The following CADM2 variants were observed in gnomAD, a reference collection of about 807,000 sequenced individuals.
CADM2 encodes cell adhesion molecule 2.
Under a neutral mutation model 49.8 loss-of-function variants are expected in CADM2, and 12 were observed. That is an observed-to-expected ratio of 0.24 (90% CI 0.15 to 0.39). The LOEUF (loss-of-function observed/expected upper bound fraction) is 0.39. Among genes scored for constraint, CADM2 ranks in the 10% least tolerant of loss-of-function variants. The pLI is 1.00. For missense variants in CADM2, 378 were observed against 492.3 expected, an observed-to-expected ratio of 0.77 and a Z score of 2.20; for synonymous variants, 214 against 175.4, an observed-to-expected ratio of 1.22 and a Z score of -1.74.
intron 8 of CADM2, among the ~76,000 whole-genome samples, chr3:86,063,118 C>A (rs1385077938): frequency 6.6e-6 from 1 of 152,118 alleles, no homozygotes; most frequent in African/African-American, 2.4e-5. Flanking sequence ...TTACACAAAC[C>A]ACTACCACAT....
intron 1 of CADM2, among the ~76,000 whole-genome samples, chr3:85,364,155 C>T (rs1003611690): frequency 6.6e-5 from 10 of 152,076 alleles, no homozygotes; most frequent in Non-Finnish European, 1.5e-4. Flanking sequence ...CTGTCTTTGT[C>T]TCATTAGAGT....
chr3:85,609,393 G>C (rs1405676565), intron 1 of CADM2, among the ~76,000 whole-genome samples: 1 of 152,080 alleles, frequency 6.6e-6, no homozygotes, highest in Non-Finnish European at 1.5e-5. Context: ...TAAGCAGGAA[G>C]AACAGTATAT....
chr3:85,509,340 C>T (rs2040505533), intron 1 of CADM2, among the ~76,000 whole-genome samples: 1 of 152,116 alleles, frequency 6.6e-6, no homozygotes, highest in South Asian at 2.1e-4. Context: ...CCAGCCAGCA[C>T]ATCATTTTGG....
chr3:85,857,709 G>A (rs920474536), intron 3 of CADM2, among the ~76,000 whole-genome samples: 4 of 152,072 alleles, frequency 2.6e-5, no homozygotes, highest in Non-Finnish European at 2.9e-5. Flanking sequence ...TCTTATAATA[G>A]CTGTTTCCAC....
At chr3:85,832,694 A>C (rs2074234986) in intron 3 of CADM2, among the ~76,000 whole-genome samples, 1 of 151,914 alleles carries the variant, frequency 6.6e-6, no homozygotes, top group African/African-American at 2.4e-5. Context: ...TACCATTTCT[A>C]GGAGCCCTTT....
chr3:85,401,266 G>C (rs1055106781), intron 1 of CADM2, among the ~76,000 whole-genome samples: 1 of 152,120 alleles, frequency 6.6e-6, no homozygotes, highest in African/African-American at 2.4e-5. Flanking sequence ...TAAAAGTACT[G>C]GTGTTGAGTC....
At chr3:86,024,004 C>T (rs1025371849) in intron 8 of CADM2, among the ~76,000 whole-genome samples, 14 of 152,178 alleles carry the variant, frequency 9.2e-5, no homozygotes, top group Non-Finnish European at 8.8e-5. Context: ...TCAAAATTTA[C>T]GTTGACTTTC....
At chr3:85,660,048 G>T (rs2065351685) in intron 1 of CADM2, among the ~76,000 whole-genome samples, 1 of 152,132 alleles carries the variant, frequency 6.6e-6, no homozygotes, top group Admixed American at 6.6e-5. Flanking sequence ...AGCTGACAGT[G>T]AATGTTTGAG....
intron 1 of CADM2, among the ~76,000 whole-genome samples, chr3:85,693,333 C>A (rs892156576): frequency 5.9e-5 from 9 of 152,066 alleles, no homozygotes; most frequent in Middle Eastern, 3.4e-3. Flanking sequence ...GTAATCTTAG[C>A]ACTTTGGGAG....
chr3:85,392,203 C>G (rs1297909796), intron 1 of CADM2, among the ~76,000 whole-genome samples: 2 of 152,000 alleles, frequency 1.3e-5, no homozygotes, highest in Non-Finnish European at 2.9e-5. Flanking sequence ...TCTTGCCTTG[C>G]TACATCTCAA....
intron 8 of CADM2, among the ~76,000 whole-genome samples, chr3:85,987,979 C>T (rs1728325242): frequency 6.6e-6 from 1 of 152,046 alleles, no homozygotes; most frequent in Non-Finnish European, 1.5e-5. Flanking sequence ...TGACACTCCA[C>T]ATGAAACACA....
chr3:85,981,646 T>C (rs1727500980), intron 8 of CADM2, among the ~76,000 whole-genome samples: 1 of 151,698 alleles, frequency 6.6e-6, no homozygotes, highest in South Asian at 2.1e-4. Context: ...CTTAGAATAA[T>C]GGCCTGCAGC....
chr3:85,737,454 A>T (rs1192895372), intron 2 of CADM2, among the ~76,000 whole-genome samples: 1 of 152,188 alleles, frequency 6.6e-6, no homozygotes, highest in Non-Finnish European at 1.5e-5. Context: ...TGTACATTTG[A>T]TTCTTGATTA....
intron 1 of CADM2, among the ~76,000 whole-genome samples, chr3:85,312,254 ATAAT>A (rs2044363106): frequency 6.6e-6 from 1 of 152,068 alleles, no homozygotes; most frequent in Non-Finnish European, 1.5e-5. Flanking sequence ...AATTATGATA[ATAAT>A]TTTAAAAGAT....
chr3:85,638,508 T>G (rs2064590144), intron 1 of CADM2, among the ~76,000 whole-genome samples: 1 of 152,100 alleles, frequency 6.6e-6, no homozygotes, highest in Admixed American at 6.5e-5. Context: ...TTTTTATATG[T>G]TTCAACAGAA....
rs2107454507 is a variant in CADM2 at position 86,069,174 on chromosome 3, C to T, written c.*2391C>T. The T allele has an allele frequency of 6.6e-6, 1 of 152,006 alleles. No individual in the cohort carries two copies. The highest frequency in any genetic ancestry group is 6.5e-5 in the Admixed American group (1 of 15,268). 9.4% of individuals were successfully genotyped at this position (152,006 alleles called of 1,614,324 possible). On this transcript the variant is annotated 3_prime_UTR_variant, in exon 10 of 10. Coordinates refer to ENST00000383699, the MANE Select transcript of CADM2 (RefSeq NM_001167675.2). ...CATTTCATCTATATTCTACTTGGCTCCAACAACTAAATTGTTGCCTAAATA... is the reference window on the plus strand; with the variant it reads ...CATTTCATCTATATTCTACTTGGCTTCAACAACTAAATTGTTGCCTAAATA...
intron 2 of CADM2, among the ~76,000 whole-genome samples, chr3:85,779,571 T>G (rs1055005016): frequency 3.3e-5 from 5 of 151,982 alleles, no homozygotes; most frequent in Admixed American, 6.6e-5. Flanking sequence ...TACAAAACCA[T>G]CAGATCTTGT....
chr3:85,385,677 T>G (rs2107373361), intron 1 of CADM2: 1 of 152,118 alleles, frequency 6.6e-6, no homozygotes, highest in South Asian at 2.1e-4. Flanking sequence ...TGTTCAACAT[T>G]GATTTTTTTT....
At chr3:85,704,507 G>A (rs2066876897) in intron 1 of CADM2, among the ~76,000 whole-genome samples, 1 of 152,004 alleles carries the variant, frequency 6.6e-6, no homozygotes, top group Non-Finnish European at 1.5e-5. Flanking sequence ...TTTTCTCTCT[G>A]TATCATCACA....
Sources: allele counts gnomAD v4.1 joint callset (sites outside exome capture counted in the v4.1 genomes callset), GRCh38; gene constraint gnomAD v4.1.1; transcripts MANE v1.5; gene names NCBI Gene and HGNC (gene_info 2026-07-23, HGNC 2026-07-21).